The following ZNF626 variants were observed in gnomAD, a reference collection of about 807,000 sequenced individuals.
The protein encoded by ZNF626 is CTC-513N18.7.
Under a neutral mutation model 11.7 loss-of-function variants are expected in ZNF626, and 4 were observed. The ratio of observed to expected loss-of-function variants is 0.34; its 90% CI spans 0.17 to 0.78. The LOEUF (loss-of-function observed/expected upper bound fraction) is 0.78. Ranked by LOEUF, ZNF626 falls within the 30% of genes least tolerant of loss-of-function variation. The probability of loss-of-function intolerance (pLI) is 0.57; values close to 1 mark genes in which losing one functional copy is unlikely to be tolerated. For missense variants in ZNF626, 588 were observed against 587.1 expected (o/e 1.00, Z -0.01); for synonymous variants, 179 against 198.6 (o/e 0.90, Z 0.83).
intron 1 of ZNF626, 66 bp from the exon 2 acceptor site, chr19:20,646,471 G>A: frequency 6.2e-7 from 1 of 1,610,600 alleles, no homozygotes; most frequent in Middle Eastern, 1.7e-4. Flanking sequence ...TTTGACTTAA[G>A]GTGAAATAAG....
chr19:20,630,043 G>T (rs1555770210), intron 3 of ZNF626, among the ~76,000 whole-genome samples: 1 of 152,086 alleles, frequency 6.6e-6, no homozygotes, highest in Non-Finnish European at 1.5e-5. Context: ...TAATCATGTG[G>T]TTTTTGTCTT....
rs529076836 is a variant in ZNF626 at position 20,623,443 on chromosome 19, G to A, written c.*847C>T. The A allele has an allele frequency of 6.6e-6, 1 of 152,476 alleles. No homozygotes were observed. Among genetic ancestry groups the A allele is most frequent in the African/African-American group, 2.4e-5 (1 of 41,578 alleles). The allele number at this position is 152,476 out of a possible 1,614,324, so 9.4% of individuals were successfully genotyped here. ...GGATGGAAGTGTTGAAAAAAGCACT[G>A]TCACATCTTTCAGGTTTGTAGAGTT... On this transcript the variant is annotated 3_prime_UTR_variant, in exon 4 of 4. Transcript: ENST00000601440.
rs558558760 is a variant in ZNF626, at chr19:20,620,828, C to T, written c.*3462G>A. The T allele has an allele frequency of 6.9e-6, 1 of 144,944 alleles. No homozygotes were observed. The highest frequency in any genetic ancestry group is 2.1e-4 in the East Asian group (1 of 4,822). The allele number at this position is 144,944 out of a possible 1,614,324, so 9.0% of individuals were successfully genotyped here. On this transcript the variant is annotated 3_prime_UTR_variant, in exon 4 of 4. Transcript: ENST00000601440. ...CTGGGATAATAGGCATGAGGCACTG[C>T]ACATGGCCGTATTTTTTCTTTTTTT...
chr19:20,624,098 T>C lies in ZNF626; in HGVS notation c.*192A>G. 1.0e-6 allele frequency: 1 copy of C among 952,428 alleles called. No homozygotes were observed. The highest frequency in any genetic ancestry group is 1.7e-6 in the Non-Finnish European group (1 of 583,212). The allele number at this position is 952,428 out of a possible 1,614,324, so 59.0% of individuals were successfully genotyped here. A position where few individuals can be genotyped will look rare whatever the true frequency, so the allele number is the denominator to read the frequency against. On this transcript the variant is annotated 3_prime_UTR_variant, in exon 4 of 4. Transcript: ENST00000601440. ...AAAGCTTTACCACATTATTCACATC[T>C]GTAGGGTTTCTCTCCAGTATGAAAT...
intron 1 of ZNF626, among the ~76,000 whole-genome samples, chr19:20,647,147 T>C (rs1474849968): frequency 6.6e-6 from 1 of 152,082 alleles, no homozygotes; most frequent in Non-Finnish European, 1.5e-5. Context: ...ACCTGGCCAA[T>C]GTGGTGAATT....
At chr19:20,631,927 C>T (rs568446419) in intron 3 of ZNF626, among the ~76,000 whole-genome samples, 2,985 of 151,704 alleles carry the variant, frequency 0.02, 108 homozygotes, top group African/African-American at 0.068. Flanking sequence ...CGGCTGGTAC[C>T]GGTTGCTCCT....
chr19:20,646,624 G>A (rs1970081889), intron 1 of ZNF626, among the ~76,000 whole-genome samples: 1 of 152,158 alleles, frequency 6.6e-6, no homozygotes, highest in Non-Finnish European at 1.5e-5. Flanking sequence ...ATTCATGTAT[G>A]TTTCTAGATA....
At chr19:20,635,613 G>A (rs73008338) in intron 3 of ZNF626, among the ~76,000 whole-genome samples, 68,199 of 151,748 alleles carry the variant, frequency 0.45, 16,553 homozygotes, top group African/African-American at 0.64. Context: ...AAGCCACCGC[G>A]CCCAGCCTAG....
rs554081861 is a variant in ZNF626, at chr19:20,640,200, AT to A, written c.226+5483del. Among the ~76,000 whole-genome samples, 82 of 97,054 alleles carry A rather than the reference AT, an allele frequency of 8.4e-4. 1 individual carries two copies. In the East Asian group the frequency reaches 0.017, roughly 20 times the overall value. The allele number at this position is 97,054 out of a possible 152,430, so 63.7% of individuals were successfully genotyped here. ...ATAAAATATTATTTAAAATATTTTAATTTTTTAATATTAAATTCAATTATTT... is the reference window on the plus strand; with the variant it reads ...ATAAAATATTATTTAAAATATTTTAATTTTTAATATTAAATTCAATTATTT... On this transcript the variant is annotated intron_variant, in intron 3 of 3. Transcript: ENST00000601440.
rs546028922 is a variant in ZNF626 at position 20,621,985 on chromosome 19, G to C, written c.*2305C>G. 62 of 152,334 alleles carry C rather than the reference G, an allele frequency of 4.1e-4. No individual in the cohort carries two copies. The highest frequency in any genetic ancestry group is 1.4e-3 in the African/African-American group (58 of 41,574). The allele number at this position is 152,334 out of a possible 1,614,324, so 9.4% of individuals were successfully genotyped here. Reference sequence around the variant, plus strand: ...GTGGATCGCTTGAGCTCAGGAGTTTGAGACTAGCCTGACCAATATGGGGAA... The same window carrying C: ...GTGGATCGCTTGAGCTCAGGAGTTTCAGACTAGCCTGACCAATATGGGGAA... On this transcript the variant is annotated 3_prime_UTR_variant, in exon 4 of 4. Coordinates refer to ENST00000601440, the MANE Select transcript of ZNF626 (RefSeq NM_001076675.3).
At chr19:20,628,393 C>T (rs1284205470) in intron 3 of ZNF626, among the ~76,000 whole-genome samples, 10 of 152,196 alleles carry the variant, frequency 6.6e-5, no homozygotes, top group African/African-American at 1.9e-4. Flanking sequence ...TACAGTCCCA[C>T]CAACAGTGTA....
intron 3 of ZNF626, among the ~76,000 whole-genome samples, chr19:20,629,802 C>A (rs1384522637): frequency 6.6e-6 from 1 of 152,172 alleles, no homozygotes; most frequent in East Asian, 1.9e-4. Context: ...CTGGCCAGAA[C>A]TTCCAACACT....
At chr19:20,640,986 A>T (rs1227182124) in intron 3 of ZNF626, among the ~76,000 whole-genome samples, 1 of 151,994 alleles carries the variant, frequency 6.6e-6, no homozygotes, top group African/African-American at 2.4e-5. Flanking sequence ...AATACAAAAA[A>T]CTAGCTGGGC....
intron 3 of ZNF626, among the ~76,000 whole-genome samples, chr19:20,625,998 C>CA (rs1158535948): frequency 4.9e-4 from 74 of 152,196 alleles, no homozygotes; most frequent in African/African-American, 1.8e-3. Flanking sequence ...TGGGGTGACA[C>CA]ACGCCTGTAG....
intron 1 of ZNF626, among the ~76,000 whole-genome samples, chr19:20,647,791 C>G (rs1380278974): frequency 6.6e-6 from 1 of 151,952 alleles, no homozygotes; most frequent in African/African-American, 2.4e-5. Context: ...CGGCCTAGGA[C>G]AAATTTTTAT....
intron 3 of ZNF626, among the ~76,000 whole-genome samples, chr19:20,626,548 T>G (rs1555769754): frequency 1.3e-5 from 2 of 152,052 alleles, no homozygotes; most frequent in African/African-American, 4.8e-5. Context: ...TGAAACCCTG[T>G]ATCTACTAAA....
At chr19:20,658,290 G>A (rs1049263304) in intron 1 of ZNF626, among the ~76,000 whole-genome samples, 12 of 152,092 alleles carry the variant, frequency 7.9e-5, no homozygotes, top group Non-Finnish European at 4.4e-5. Context: ...AGGTTGGTGC[G>A]GCAGATTCTG....
Position 20,625,046 on chromosome 19 carries a change from T to C in ZNF626, c.831A>G (p.Ile277Met), listed in dbSNP as rs948481134. ...TGTAGGGTTTCTTTTCCGTATGAAT[T>C]ATCTCATGTTTACTAAGGGTTGAGG... ...MSSSTLSKHEIIHTEKKPYKC... is the reference protein window; with the variant it reads ...MSSSTLSKHEMIHTEKKPYKC... Residue 277 changes from isoleucine to methionine, a missense_variant, in exon 4 of 4, where the codon ATA becomes ATG. Around this residue, in one of 4 missense-constraint regions of ZNF626, gnomAD observed 524 missense variants for 470.1 expected, o/e 1.11. Transcript: ENST00000601440. The C allele has an allele frequency of 1.2e-6, 2 of 1,613,788 alleles. No individual in the cohort carries two copies. The highest frequency in any genetic ancestry group is 2.2e-5 in the East Asian group (1 of 44,874).
At position 20,621,706 on chromosome 19, in the gene ZNF626, C is replaced by G. The variant is rs550473438; in HGVS notation, c.*2584G>C. ...GAAAAAAGATTAAAAATTTAACTAA[C>G]GGGAACAATATTCTTCATTTGCAGT... is the stretch of plus-strand genomic sequence containing the variant. On this transcript the variant is annotated 3_prime_UTR_variant, in exon 4 of 4. Coordinates refer to ENST00000601440, the MANE Select transcript of ZNF626 (RefSeq NM_001076675.3). 1 of 152,100 alleles carries G rather than the reference C, an allele frequency of 6.6e-6. No homozygotes were observed. Among genetic ancestry groups the G allele is most frequent in the East Asian group, 1.9e-4 (1 of 5,172 alleles). The allele number at this position is 152,100 out of a possible 1,614,324, so 9.4% of individuals were successfully genotyped here.
Sources: allele counts gnomAD v4.1 joint callset (sites outside exome capture counted in the v4.1 genomes callset), GRCh38; gene constraint gnomAD v4.1.1; regional missense constraint gnomAD v4.1.1; transcripts MANE v1.5; gene names NCBI Gene and HGNC (gene_info 2026-07-23, HGNC 2026-07-21).